NAV3: variants seen among roughly 807,000 people sequenced by gnomAD.
The protein encoded by NAV3 is pore membrane and/or filament interacting like protein 1.
A neutral mutation model predicts 244.7 loss-of-function variants in NAV3; 87 were observed. That is an observed-to-expected ratio of 0.36 (90% CI 0.30 to 0.42). NAV3 has a LOEUF of 0.42. Ranked by LOEUF, NAV3 falls within the 20% of genes least tolerant of loss-of-function variation. The pLI, the probability that NAV3 is intolerant of heterozygous loss-of-function variation, is 1.00. For synonymous variants in NAV3, 1,126 were observed against 1,042.2 expected (o/e 1.08, Z -1.55); for missense variants, 2,663 against 2,893.3 (o/e 0.92, Z 1.83).
chr12:77,735,327 TA>T (rs1446865862), intron 2 of NAV3, among the ~76,000 whole-genome samples: 1 of 152,142 alleles, frequency 6.6e-6, no homozygotes, highest in Non-Finnish European at 1.5e-5. Context: ...TAATAATTCT[TA>T]ATTAGAATTT....
At chr12:77,757,367 A>G (rs772677639) in intron 2 of NAV3, among the ~76,000 whole-genome samples, 4 of 152,190 alleles carry the variant, frequency 2.6e-5, no homozygotes, top group Non-Finnish European at 4.4e-5. Context: ...AAATATTTAG[A>G]CAAAACTAGT....
intron 2 of NAV3, among the ~76,000 whole-genome samples, chr12:77,581,428 A>G (rs1869360148): frequency 6.6e-6 from 1 of 152,182 alleles, no homozygotes; most frequent in Non-Finnish European, 1.5e-5. Flanking sequence ...TTCCTGCCAC[A>G]TATTACACTG....
chr12:77,754,503 C>T (rs575902592), intron 2 of NAV3, among the ~76,000 whole-genome samples: 1 of 152,274 alleles, frequency 6.6e-6, no homozygotes, highest in South Asian at 2.1e-4. Context: ...GTTATCAATT[C>T]ACAGCATAGA....
chr12:77,975,881 G>A (rs1315491038), intron 5 of NAV3, among the ~76,000 whole-genome samples: 1 of 152,114 alleles, frequency 6.6e-6, no homozygotes, highest in African/African-American at 2.4e-5. Flanking sequence ...AAAATAGAGT[G>A]TAGTAGGGAA....
rs565930322 is a variant in NAV3, at chr12:77,890,928, A to G, written c.244-49391A>G. On this transcript the variant is annotated intron_variant, in intron 1 of 39. Coordinates refer to ENST00000397909, the MANE Select transcript of NAV3 (RefSeq NM_001024383.2). ...AGTTCAAAGAGAGGAATCATACACA[A>G]TGTTCTAATATGATAAATGATTTCA... Among the ~76,000 whole-genome samples the G allele has an allele frequency of 7.0e-4, 107 of 152,314 alleles. No individual in the cohort carries two copies. The Middle Eastern group carries it at 0.02, about 29-fold the overall frequency.
chr12:77,697,929 G>T (rs1284548247), intron 2 of NAV3, among the ~76,000 whole-genome samples: 1 of 152,132 alleles, frequency 6.6e-6, no homozygotes, highest in Non-Finnish European at 1.5e-5. Context: ...CAGTGGAGAT[G>T]ATAGTGTAGA....
intron 1 of NAV3, among the ~76,000 whole-genome samples, chr12:77,886,248 C>A (rs551395054): frequency 6.6e-6 from 1 of 152,292 alleles, no homozygotes; most frequent in East Asian, 1.9e-4. Context: ...ATTACAGCCT[C>A]ATTTCTCCGC....
chr12:77,600,190 T>A (rs1292398397), intron 2 of NAV3, among the ~76,000 whole-genome samples: 1 of 152,006 alleles, frequency 6.6e-6, no homozygotes, highest in Non-Finnish European at 1.5e-5. Flanking sequence ...AGTTTTGATG[T>A]TTATGCTTAA....
intron 10 of NAV3, 43 bp from the exon 11 acceptor site, chr12:78,050,721 T>G (rs376589829): frequency 9.7e-6 from 15 of 1,542,704 alleles, no homozygotes; most frequent in Admixed American, 3.8e-5. Context: ...ATTATGGCCC[T>G]AAGTGAACCA....
chr12:77,982,786 T>C (rs1003159982), intron 5 of NAV3, among the ~76,000 whole-genome samples: 3 of 152,076 alleles, frequency 2.0e-5, no homozygotes, highest in Non-Finnish European at 4.4e-5. Context: ...CACAAACTGG[T>C]GAGAGACAGA....
rs565220668 is a variant in NAV3, at chr12:77,941,210, A to T, written c.414+77A>T. On this transcript the variant is annotated intron_variant, in intron 3 of 39. Coordinates refer to ENST00000397909, the MANE Select transcript of NAV3 (RefSeq NM_001024383.2). ...TTAATTGCATTTGTAAATGGATATT[A>T]TTTTTTTTCTGCATGTCTTCCTGCT... The T allele has an allele frequency of 1.4e-5, 13 of 929,072 alleles. No homozygotes were observed. In the African/African-American group the frequency reaches 2.0e-4, roughly 14 times the overall value. The allele number at this position is 929,072 out of a possible 1,614,324, so 57.6% of individuals were successfully genotyped here. A position where few individuals can be genotyped will look rare whatever the true frequency, so the allele number is the denominator to read the frequency against.
chr12:77,763,180 G>A (rs1303592710), intron 2 of NAV3, among the ~76,000 whole-genome samples: 2 of 152,136 alleles, frequency 1.3e-5, no homozygotes, highest in African/African-American at 2.4e-5. Context: ...GTCCTTGGGT[G>A]GAGAGAGAAG....
At chr12:77,862,406 T>C (rs1879376711) in intron 1 of NAV3, among the ~76,000 whole-genome samples, 1 of 151,324 alleles carries the variant, frequency 6.6e-6, no homozygotes, top group South Asian at 2.1e-4. Flanking sequence ...TTTTGAGTTT[T>C]GTAATGACAG....
At chr12:78,012,751 T>C (rs1208245589) in intron 8 of NAV3, among the ~76,000 whole-genome samples, 1 of 152,160 alleles carries the variant, frequency 6.6e-6, no homozygotes, top group Non-Finnish European at 1.5e-5. Flanking sequence ...TTCTCAGAAT[T>C]CTATTTAATC....
Position 78,077,870 on chromosome 12 carries a change from G to A in NAV3, c.2636+18755G>A, listed in dbSNP as rs550784138. The stretch of plus-strand genomic sequence containing the variant: ...GGAGAATCGCTTGAACCTGGGAGGC[G>A]GAGGTTGCAGTGAGCCAAGATCACG... On this transcript the variant is annotated intron_variant, in intron 12 of 39. Transcript: ENST00000397909. 9.9e-5 allele frequency among the ~76,000 whole-genome samples: 15 copies of A among 152,262 alleles called. No individual in the cohort carries two copies. The East Asian group carries it at 1.4e-3, about 14-fold the overall frequency.
At chr12:77,798,498 A>G (rs1483363538) in intron 2 of NAV3, among the ~76,000 whole-genome samples, 1 of 152,132 alleles carries the variant, frequency 6.6e-6, no homozygotes, top group Admixed American at 6.6e-5. Context: ...TAGCTGTATA[A>G]TGTTAGACAA....
chr12:77,820,607 A>G (rs1186768968), intron 2 of NAV3, among the ~76,000 whole-genome samples: 5 of 152,076 alleles, frequency 3.3e-5, no homozygotes, highest in Admixed American at 2.0e-4. Context: ...TGACAGAGAG[A>G]TGTGGTTTTC....
intron 2 of NAV3, among the ~76,000 whole-genome samples, chr12:77,682,029 G>C (rs936017729): frequency 1.3e-5 from 2 of 152,034 alleles, no homozygotes. Context: ...TTCAACGATG[G>C]AATTCATTGT....
intron 17 of NAV3, among the ~76,000 whole-genome samples, chr12:78,128,127 G>A (rs529903761): frequency 6.6e-6 from 1 of 151,852 alleles, no homozygotes; most frequent in South Asian, 2.1e-4. Context: ...TTCAGCAATA[G>A]CAAATAGCTG....
Sources: allele counts gnomAD v4.1 joint callset (sites outside exome capture counted in the v4.1 genomes callset), GRCh38; gene constraint gnomAD v4.1.1; transcripts MANE v1.5; gene names NCBI Gene and HGNC (gene_info 2026-07-23, HGNC 2026-07-21).